FXYD6: variants seen among roughly 807,000 people sequenced by gnomAD.
FXYD6 encodes FXYD domain containing ion transport regulator 6, also known as FXYD domain-containing ion transport regulator 6.
In FXYD6, 7 loss-of-function variants were observed where a neutral mutation model predicts 16.7. The observed-to-expected ratio is 0.42, with a 90% CI of 0.24 to 0.79. The LOEUF (loss-of-function observed/expected upper bound fraction) is 0.79, where lower values mean the gene tolerates loss of function less well. FXYD6 is among the 30% of genes least tolerant of loss of function. FXYD6 has a pLI of 0.28. For missense variants in FXYD6, 111 were observed against 116.2 expected (o/e 0.95, Z 0.21); for synonymous variants, 49 against 43.0 (o/e 1.14, Z -0.54).
At chr11:117,865,901 G>A (rs377431807) in intron 1 of FXYD6, among the ~76,000 whole-genome samples, 65 of 147,478 alleles carry the variant, frequency 4.4e-4, no homozygotes, top group African/African-American at 1.5e-3. Flanking sequence ...CAGCCTGGGC[G>A]ACAGAACAAG....
At chr11:117,843,421 C>T (rs1302360933) in intron 1 of FXYD6, among the ~76,000 whole-genome samples, 2 of 152,192 alleles carry the variant, frequency 1.3e-5, no homozygotes, top group Admixed American at 1.3e-4. Flanking sequence ...ACCACGTTGC[C>T]TCTGGGACGT....
intron 1 of FXYD6, among the ~76,000 whole-genome samples, chr11:117,858,975 C>A (rs2056840291): frequency 6.6e-6 from 1 of 151,962 alleles, no homozygotes; most frequent in African/African-American, 2.4e-5. Flanking sequence ...GGGGTTTCGC[C>A]ATATTGGCCA....
chr11:117,876,165 C>T (rs931868736), intron 1 of FXYD6, among the ~76,000 whole-genome samples: 3 of 152,212 alleles, frequency 2.0e-5, no homozygotes, highest in Non-Finnish European at 2.9e-5. Context: ...CACACTCACA[C>T]CCAGCCACAC....
At chr11:117,857,554 A>G (rs1763575519) in intron 1 of FXYD6, among the ~76,000 whole-genome samples, 1 of 151,956 alleles carries the variant, frequency 6.6e-6, no homozygotes. Flanking sequence ...GATTACAGGC[A>G]CGCGCCACCA....
chr11:117,858,861 C>T (rs2056837204), intron 1 of FXYD6, among the ~76,000 whole-genome samples: 1 of 151,382 alleles, frequency 6.6e-6, no homozygotes, highest in Non-Finnish European at 1.5e-5. Flanking sequence ...CTGCAACCTC[C>T]TCCTCCCAGG....
In FXYD6 at chr11:117,842,771, C is replaced by T. The variant is rs1353969461; in HGVS notation, c.6G>A (p.Glu2=). 1 of 1,565,984 alleles carries T rather than the reference C, an allele frequency of 6.4e-7. No homozygotes were observed. The part of the protein sequence containing the change: M[E]LVLVFLCSLL... ...GGCTGCAGAGGAAGACCAGCACCAA[C>T]TCCATGGCGTCTGGGGACAGAGGGA... is the stretch of plus-strand genomic sequence containing the variant. The change falls in exon 2 of 8, where the codon GAG becomes GAA. Residue 2 remains glutamate, a synonymous_variant. Transcript: ENST00000526014.
intron 4 of FXYD6, 178 bp downstream of exon 4, chr11:117,841,613 T>C (rs1804449779): frequency 4.6e-6 from 3 of 656,468 alleles, no homozygotes; most frequent in Non-Finnish European, 7.9e-6. Context: ...CCCGTGTCAC[T>C]GTTTTACTGA....
chr11:117,840,066 G>A (rs2056303308), intron 6 of FXYD6: 9 of 644,930 alleles, frequency 1.4e-5, no homozygotes, highest in Non-Finnish European at 2.4e-5. Context: ...CTATTTCAGG[G>A]CTGTGTGCCC....
At chr11:117,877,011 A>C (rs893635600), upstream of FXYD6, 1 of 152,268 alleles carries the variant, frequency 6.6e-6, no homozygotes, top group Non-Finnish European at 1.5e-5. Context: ...CGGATTTGCC[A>C]TCAGCTGTTG....
rs369993174 is a variant in FXYD6 at position 117,850,258 on chromosome 11, TGATTTACTGA to T, written c.-5-7487_-5-7478del. On this transcript the variant is annotated intron_variant, in intron 1 of 7. Coordinates refer to ENST00000526014, the MANE Select transcript of FXYD6 (RefSeq NM_022003.4). ...TTTGCAAAATCTGTGTCACAGTGAT[TGATTTACTGA>T]GATTTACTGAGTGTGGGCAGAACAG... 3.3e-3 allele frequency among the ~76,000 whole-genome samples: 506 copies of T among 152,364 alleles called. 5 individuals are homozygous for T. The highest frequency in any genetic ancestry group is 0.012 in the African/African-American group (479 of 41,576).
At chr11:117,861,350 T>C (rs1385106801) in intron 1 of FXYD6, among the ~76,000 whole-genome samples, 2 of 152,118 alleles carry the variant, frequency 1.3e-5, no homozygotes, top group Admixed American at 6.5e-5. Flanking sequence ...AGTCGGCCAA[T>C]AGCTGACAGG....
chr11:117,861,220 C>T (rs1431876400), intron 1 of FXYD6, among the ~76,000 whole-genome samples: 1 of 152,204 alleles, frequency 6.6e-6, no homozygotes, highest in Non-Finnish European at 1.5e-5. Flanking sequence ...TGTCCCCACT[C>T]GAACCCTGCT....
rs183983265 is a variant in FXYD6, at chr11:117,863,724, A to T, written c.-6+12868T>A. ...ATCTTATACATAGAAAACCCTAAAG[A>T]TCACACATAAAAACTGTAAGAACTA... is the stretch of plus-strand genomic sequence containing the variant. On this transcript the variant is annotated intron_variant, in intron 1 of 7. Transcript: ENST00000526014. 1.4e-3 allele frequency among the ~76,000 whole-genome samples: 212 copies of T among 152,336 alleles called. 2 individuals are homozygous for T. The highest frequency in any genetic ancestry group is 4.1e-3 in the African/African-American group (170 of 41,584).
intron 6 of FXYD6, 71 bp downstream of exon 6, chr11:117,840,248 C>T (rs529159147): frequency 1.2e-6 from 2 of 1,605,116 alleles, no homozygotes; most frequent in East Asian, 2.2e-5. Flanking sequence ...TGGCAACAGT[C>T]CCTTCCTGAG....
At chr11:117,839,551 C>T (rs1170109090) in intron 7 of FXYD6, 5 of 518,848 alleles carry the variant, frequency 9.6e-6, no homozygotes, top group Non-Finnish European at 1.4e-5. Flanking sequence ...TGTGTGGAAG[C>T]CCCATTTCCT....
intron 1 of FXYD6, among the ~76,000 whole-genome samples, chr11:117,861,307 C>T (rs1320031153): frequency 6.6e-6 from 1 of 152,128 alleles, no homozygotes; most frequent in Non-Finnish European, 1.5e-5. Context: ...AGCATCCTGC[C>T]GGATGAAAGG....
At position 117,870,669 on chromosome 11, in the gene FXYD6, G is replaced by A. The variant is rs1000761057; in HGVS notation, c.-6+5923C>T. Among the ~76,000 whole-genome samples, 2 of 152,150 alleles carry A rather than the reference G, an allele frequency of 1.3e-5. No individual in the cohort carries two copies. Among genetic ancestry groups the A allele is most frequent in the African/African-American group, 2.4e-5 (1 of 41,428 alleles). On this transcript the variant is annotated intron_variant, in intron 1 of 7. Coordinates refer to ENST00000526014, the MANE Select transcript of FXYD6 (RefSeq NM_022003.4). The surrounding 1 kb of genome is among the most constrained non-coding windows in gnomAD (Gnocchi z 4.2). ...GGCATGAAGATGAACCCTGACCCAC[G>A]GGCCTGGATACCCAGAAATGTGCCC...
intron 4 of FXYD6, chr11:117,841,424 A>T: frequency 1.7e-6 from 1 of 593,120 alleles, no homozygotes; most frequent in Non-Finnish European, 3.0e-6. Context: ...GTAAAGAGGG[A>T]TCTGTGCAGA....
intron 1 of FXYD6, among the ~76,000 whole-genome samples, chr11:117,865,182 G>A (rs1365085972): frequency 6.6e-6 from 1 of 152,116 alleles, no homozygotes; most frequent in Non-Finnish European, 1.5e-5. Context: ...ATATCCTTTA[G>A]GATAGCTGCT....
Sources: allele counts gnomAD v4.1 joint callset (sites outside exome capture counted in the v4.1 genomes callset), GRCh38; gene constraint gnomAD v4.1.1; non-coding constraint Gnocchi (gnomAD v3.1); transcripts MANE v1.5; gene names NCBI Gene and HGNC (gene_info 2026-07-23, HGNC 2026-07-21).